ALDH2: variants seen among roughly 807,000 people sequenced by gnomAD.
The protein encoded by ALDH2 is aldehyde dehydrogenase 2 family member, also known as aldehyde dehydrogenase, mitochondrial.
ALDH2 carries 44 observed loss-of-function variants against 59.6 expected under a neutral mutation model. That is an observed-to-expected ratio of 0.74 (90% CI 0.58 to 0.95). The LOEUF (loss-of-function observed/expected upper bound fraction) is 0.95, where lower values mean the gene tolerates loss of function less well. ALDH2 is among the 40% of genes least tolerant of loss of function. The probability of loss-of-function intolerance (pLI) is 0.00; values close to 1 mark genes in which losing one functional copy is unlikely to be tolerated. For synonymous variants in ALDH2, 291 were observed against 284.0 expected, an observed-to-expected ratio of 1.02 and a Z score of -0.25; for missense variants, 570 against 696.3, an observed-to-expected ratio of 0.82 and a Z score of 2.04.
chr12:111,791,488 A>G (rs2136018587), intron 7 of ALDH2, 69 bp downstream of exon 7: 1 of 1,226,756 alleles, frequency 8.2e-7, no homozygotes, highest in Non-Finnish European at 1.2e-6. Flanking sequence ...AGTGGACGAC[A>G]TGCTCAAGGT....
intron 1 of ALDH2, among the ~76,000 whole-genome samples, chr12:111,769,046 ATCTT>A (rs1283391963): frequency 6.6e-6 from 1 of 152,302 alleles, no homozygotes; most frequent in East Asian, 1.9e-4. Context: ...TCTGATTAAA[ATCTT>A]TATCCTTTAT....
intron 7 of ALDH2, 47 bp from the exon 8 acceptor site, chr12:111,792,014 T>C: frequency 1.6e-6 from 2 of 1,282,638 alleles, no homozygotes; most frequent in Non-Finnish European, 2.3e-6. Context: ...TGCTGGACTC[T>C]TTTCTCCCGG....
intron 4 of ALDH2, among the ~76,000 whole-genome samples, 190 bp from the exon 5 acceptor site, chr12:111,789,633 C>G (rs1463248674): frequency 6.6e-6 from 1 of 152,024 alleles, no homozygotes; most frequent in Non-Finnish European, 1.5e-5. Context: ...GATTCTGAGG[C>G]TTGGGGGTTA....
chr12:111,784,187 G>T (rs1814593104), intron 3 of ALDH2, among the ~76,000 whole-genome samples: 2 of 152,214 alleles, frequency 1.3e-5, no homozygotes. Context: ...GGTGGCATAT[G>T]CCTGTAGTCC....
intron 12 of ALDH2, among the ~76,000 whole-genome samples, chr12:111,806,441 G>A (rs755043271): frequency 1.7e-4 from 26 of 152,200 alleles, no homozygotes; most frequent in Non-Finnish European, 3.2e-4. Context: ...TTAAGGAAGA[G>A]GCAAATGGGT....
At position 111,790,580 on chromosome 12, in the gene ALDH2, G is replaced by A. The variant is rs1211422355; in HGVS notation, c.681+18G>A. ...TCAAGGAGGTGCGTGGCTTATCCTG[G>A]TCTTAACCTCTAAATGCCCTTGTTG... On this transcript the variant is annotated intron_variant, in intron 6 of 12. Coordinates refer to ENST00000261733, the MANE Select transcript of ALDH2 (RefSeq NM_000690.4). 1.9e-6 allele frequency: 3 copies of A among 1,614,072 alleles called. No individual in the cohort carries two copies. Among genetic ancestry groups the A allele is most frequent in the Non-Finnish European group, 2.5e-6 (3 of 1,179,996 alleles).
intron 12 of ALDH2, among the ~76,000 whole-genome samples, 166 bp from the exon 13 acceptor site, chr12:111,809,377 C>G (rs750930422): frequency 6.6e-6 from 1 of 152,104 alleles, no homozygotes; most frequent in African/African-American, 2.4e-5. Flanking sequence ...ATCGCTTGAG[C>G]CAGGAGGTCA....
At chr12:111,803,795 G>A in intron 11 of ALDH2, 64 bp from the exon 12 acceptor site, 2 of 1,167,264 alleles carry the variant, frequency 1.7e-6, no homozygotes, top group South Asian at 1.9e-5. Flanking sequence ...GCAATACAGG[G>A]GGTCCTGGGA....
In ALDH2 at chr12:111,813,444, A is replaced by T. The variant is rs920647766; in HGVS notation, c.*3869A>T. The stretch of plus-strand genomic sequence containing the variant: ...CATTTGGCAGGCAGTGTAATGAGGG[A>T]ATCAAAGACCAGGATCACATACTGG... On this transcript the variant is annotated 3_prime_UTR_variant, in exon 13 of 13. Transcript: ENST00000261733. 6 of 152,242 alleles carry T rather than the reference A, an allele frequency of 3.9e-5. No individual in the cohort carries two copies. The highest frequency in any genetic ancestry group is 1.4e-4 in the African/African-American group (6 of 41,454). 9.4% of individuals were successfully genotyped at this position (152,242 alleles called of 1,614,324 possible).
intron 1 of ALDH2, among the ~76,000 whole-genome samples, chr12:111,777,522 G>A (rs368167122): frequency 1.0e-3 from 158 of 152,276 alleles, no homozygotes; most frequent in African/African-American, 3.7e-3. Flanking sequence ...TTGTGTGTGA[G>A]GCGTGAACCC....
At chr12:111,794,594 C>T (rs2068388600) in intron 9 of ALDH2, among the ~76,000 whole-genome samples, 1 of 152,032 alleles carries the variant, frequency 6.6e-6, no homozygotes, top group African/African-American at 2.4e-5. Flanking sequence ...GCAGGCTTAA[C>T]CTCCTGGCCT....
At chr12:111,784,479 A>G (rs1205840700) in intron 3 of ALDH2, among the ~76,000 whole-genome samples, 1 of 152,162 alleles carries the variant, frequency 6.6e-6, no homozygotes, top group African/African-American at 2.4e-5. Context: ...CCCTGCTGCC[A>G]TCTGTACCAT....
intron 1 of ALDH2, among the ~76,000 whole-genome samples, chr12:111,769,006 A>G (rs1451533308): frequency 6.6e-6 from 1 of 152,212 alleles, no homozygotes; most frequent in Non-Finnish European, 1.5e-5. Flanking sequence ...AGGAACAGCC[A>G]TCGCCCTAGG....
At chr12:111,806,922 T>C (rs1387492949) in intron 12 of ALDH2, among the ~76,000 whole-genome samples, 1 of 150,108 alleles carries the variant, frequency 6.7e-6, no homozygotes, top group Non-Finnish European at 1.5e-5. Flanking sequence ...TGAGCTGAGA[T>C]CGCGCCACTG....
chr12:111,771,555 T>C (rs1029367321), intron 1 of ALDH2, among the ~76,000 whole-genome samples: 3 of 152,210 alleles, frequency 2.0e-5, no homozygotes, highest in African/African-American at 7.2e-5. Context: ...TGGCTCAACC[T>C]GTACAAATAA....
At chr12:111,788,613 A>G (rs1593077442) in intron 4 of ALDH2, among the ~76,000 whole-genome samples, 2 of 152,170 alleles carry the variant, frequency 1.3e-5, no homozygotes, top group Admixed American at 1.3e-4. Flanking sequence ...CTGTGTTTGT[A>G]TAGATCTGGG....
At position 111,779,538 on chromosome 12, in the gene ALDH2, T is replaced by G. The variant is rs571330917; in HGVS notation, c.115-2380T>G. Among the ~76,000 whole-genome samples, 99 of 152,290 alleles carry G rather than the reference T, an allele frequency of 6.5e-4. 1 individual carries two copies. In the South Asian group the frequency reaches 0.018, roughly 28 times the overall value. ...GCCTGGCCACCCCTCCCCAGCCCTGTTGTGAGCCTCACTCCAGGCTTTGCT... is the reference window on the plus strand; with the variant it reads ...GCCTGGCCACCCCTCCCCAGCCCTGGTGTGAGCCTCACTCCAGGCTTTGCT... On this transcript the variant is annotated intron_variant, in intron 1 of 12. Coordinates refer to ENST00000261733, the MANE Select transcript of ALDH2 (RefSeq NM_000690.4).
chr12:111,815,791 T>TC lies in ALDH2; in HGVS notation c.*6216_*6217insC, dbSNP rs2068566156. ...TGCATATATATATATATTTTTTTTTTTTTTTGAGAGAGAGAGAGAGAGATG... is the reference window on the plus strand; with the variant it reads ...TGCATATATATATATATTTTTTTTTTCTTTTTGAGAGAGAGAGAGAGAGATG... On this transcript the variant is annotated 3_prime_UTR_variant, in exon 13 of 13. Coordinates refer to ENST00000261733, the MANE Select transcript of ALDH2 (RefSeq NM_000690.4). 6.8e-6 allele frequency: 1 copy of TC among 146,840 alleles called. No individual in the cohort carries two copies. The highest frequency in any genetic ancestry group is 2.5e-5 in the African/African-American group (1 of 40,486). 9.1% of individuals were successfully genotyped at this position (146,840 alleles called of 1,614,324 possible).
intron 12 of ALDH2, among the ~76,000 whole-genome samples, chr12:111,805,685 A>T (rs1021920418): frequency 2.6e-5 from 4 of 152,174 alleles, no homozygotes; most frequent in African/African-American, 9.7e-5. Flanking sequence ...ATGTTCGCCA[A>T]TTTCATAAGC....
Sources: allele counts gnomAD v4.1 joint callset (sites outside exome capture counted in the v4.1 genomes callset), GRCh38; gene constraint gnomAD v4.1.1; transcripts MANE v1.5; gene names NCBI Gene and HGNC (gene_info 2026-07-23, HGNC 2026-07-21).